Variants in FIGN observed in about 807,000 individuals in gnomAD.
The protein encoded by FIGN is fidgetin.
In FIGN, 11 loss-of-function variants were observed where a neutral mutation model predicts 51.3. That is an observed-to-expected ratio of 0.21 (90% CI 0.13 to 0.35). The LOEUF (loss-of-function observed/expected upper bound fraction) is 0.35, where lower values mean the gene tolerates loss of function less well. Ranked by LOEUF, FIGN falls within the 10% of genes least tolerant of loss-of-function variation. FIGN has a pLI of 1.00. For synonymous variants in FIGN, 407 were observed against 363.2 expected (o/e 1.12, Z -1.37); for missense variants, 857 against 943.6 (o/e 0.91, Z 1.20).
rs777432154 is a variant in FIGN, at chr2:163,609,857, G to A, written c.1975C>T (p.His659Tyr). Reference sequence around the variant, plus strand: ...GAGAGCAGTTGTACTATTATCTGGTGCCTCGCTGTGCTGTCAGGAAGTGGG... The same window carrying A: ...GAGAGCAGTTGTACTATTATCTGGTACCTCGCTGTGCTGTCAGGAAGTGGG... ...LIPLPDSTAR[H>Y]QIIVQLLSQH... The change falls in exon 3 of 3, where the codon CAC (histidine) becomes TAC (tyrosine). Residue 659 changes from histidine to tyrosine, a missense_variant. His to Tyr is a moderately conservative substitution (Grantham distance 83). Transcript: ENST00000333129. 1 of 1,614,148 alleles carries A rather than the reference G, an allele frequency of 6.2e-7. No homozygotes were observed. The highest frequency in any genetic ancestry group is 1.1e-5 in the South Asian group (1 of 91,074).
At chr2:163,665,974 G>T (rs1683766428) in intron 2 of FIGN, among the ~76,000 whole-genome samples, 1 of 152,194 alleles carries the variant, frequency 6.6e-6, no homozygotes, top group Non-Finnish European at 1.5e-5. Flanking sequence ...CATGGTGCAT[G>T]TCACATGACT....
chr2:163,689,440 T>A (rs574047085), intron 2 of FIGN, among the ~76,000 whole-genome samples: 1 of 152,330 alleles, frequency 6.6e-6, no homozygotes, highest in East Asian at 1.9e-4. Flanking sequence ...ACTGAAATGC[T>A]TGATTGACTA....
At chr2:163,668,017 C>A (rs529237222) in intron 2 of FIGN, among the ~76,000 whole-genome samples, 1 of 147,534 alleles carries the variant, frequency 6.8e-6, no homozygotes, top group South Asian at 2.2e-4. Flanking sequence ...ACCTCCAACC[C>A]CCCCCCCCAA....
At chr2:163,721,951 C>T (rs902633810) in intron 2 of FIGN, among the ~76,000 whole-genome samples, 13 of 152,112 alleles carry the variant, frequency 8.5e-5, no homozygotes, top group Non-Finnish European at 1.8e-4. Context: ...TTGTCAAATA[C>T]TGTTGCCTAA....
intron 2 of FIGN, among the ~76,000 whole-genome samples, chr2:163,637,155 A>G (rs1268040918): frequency 6.6e-6 from 1 of 152,216 alleles, no homozygotes; most frequent in South Asian, 2.1e-4. Context: ...GGGACTATTC[A>G]CTATTTGCAA....
At chr2:163,709,221 T>C (rs1684550148) in intron 2 of FIGN, among the ~76,000 whole-genome samples, 1 of 152,126 alleles carries the variant, frequency 6.6e-6, no homozygotes, top group South Asian at 2.1e-4. Context: ...CAGACACTCC[T>C]TGGGCAATCC....
chr2:163,703,982 C>A (rs1302190318), intron 2 of FIGN, among the ~76,000 whole-genome samples: 1 of 152,016 alleles, frequency 6.6e-6, no homozygotes, highest in African/African-American at 2.4e-5. Flanking sequence ...AGCCTATCCA[C>A]ATTACTATAT....
At chr2:163,656,411 T>C (rs566125244) in intron 2 of FIGN, among the ~76,000 whole-genome samples, 62 of 152,296 alleles carry the variant, frequency 4.1e-4, no homozygotes, top group Middle Eastern at 6.8e-3. Flanking sequence ...AGGTATCCTA[T>C]AAGAGCATAA....
chr2:163,651,804 T>C (rs1424973815), intron 2 of FIGN, among the ~76,000 whole-genome samples: 1 of 152,168 alleles, frequency 6.6e-6, no homozygotes, highest in Non-Finnish European at 1.5e-5. Flanking sequence ...GGCAAATGTA[T>C]TTATGTTGTA....
intron 2 of FIGN, among the ~76,000 whole-genome samples, chr2:163,696,024 T>C (rs554302043): frequency 3.4e-4 from 51 of 152,150 alleles, no homozygotes; most frequent in African/African-American, 1.2e-3. Context: ...GGCAAGAGAA[T>C]CTCTTGAACC....
chr2:163,683,488 C>G (rs1370703929), intron 2 of FIGN, among the ~76,000 whole-genome samples: 1 of 152,114 alleles, frequency 6.6e-6, no homozygotes, highest in African/African-American at 2.4e-5. Flanking sequence ...AAGGGTCAAA[C>G]CAATACAGCA....
intron 2 of FIGN, among the ~76,000 whole-genome samples, chr2:163,634,089 CGTGTGTGTGT>C (rs66956230): frequency 6.9e-6 from 1 of 145,402 alleles, no homozygotes; most frequent in Non-Finnish European, 1.5e-5. Context: ...CGTATGTATG[CGTGTGTGTGT>C]GTGTGTGTGT....
At chr2:163,614,943 A>T (rs1682846419) in intron 2 of FIGN, among the ~76,000 whole-genome samples, 1 of 152,158 alleles carries the variant, frequency 6.6e-6, no homozygotes, top group Admixed American at 6.5e-5. Flanking sequence ...TCACTGTAAA[A>T]GACAGTAGTA....
chr2:163,669,594 AGATAAGAT>A (rs1264421116), intron 2 of FIGN, among the ~76,000 whole-genome samples: 1 of 152,224 alleles, frequency 6.6e-6, no homozygotes, highest in Non-Finnish European at 1.5e-5. Flanking sequence ...TGTAGATTAA[AGATAAGAT>A]GAAATGGCAC....
chr2:163,611,191 A>C lies in FIGN; in HGVS notation c.641T>G (p.Leu214Trp), dbSNP rs1247947406. The change falls in exon 3 of 3, where the codon TTG becomes TGG. Residue 214 changes from leucine to tryptophan, a missense_variant. Leu to Trp is a moderately conservative substitution (Grantham distance 61). Coordinates refer to ENST00000333129, the MANE Select transcript of FIGN (RefSeq NM_018086.4). ...GGGCTGTAGTAGCCCAGAGCTATGC[A>C]AAGGAGACGGATGAGGTGAAGGAAG... ...PALPSPHPSP[L>W]HSSGLLQPPP... 1 of 1,614,142 alleles carries C rather than the reference A, an allele frequency of 6.2e-7. No homozygotes were observed. Among genetic ancestry groups the C allele is most frequent in the East Asian group, 2.2e-5 (1 of 44,852 alleles).
At chr2:163,639,091 A>C (rs1330656989) in intron 2 of FIGN, among the ~76,000 whole-genome samples, 1 of 152,144 alleles carries the variant, frequency 6.6e-6, no homozygotes, top group Non-Finnish European at 1.5e-5. Flanking sequence ...CGGCACAAAA[A>C]ATAATTTTAC....
At chr2:163,679,549 G>C (rs1684026324) in intron 2 of FIGN, among the ~76,000 whole-genome samples, 1 of 151,572 alleles carries the variant, frequency 6.6e-6, no homozygotes, top group African/African-American at 2.4e-5. Context: ...ACTTTTTAAA[G>C]TATACCAGCT....
chr2:163,722,415 C>T (rs10497243), intron 2 of FIGN, among the ~76,000 whole-genome samples: 13,139 of 152,116 alleles, frequency 0.086, 699 homozygotes, highest in Admixed American at 0.12. Context: ...TTATTTCCCA[C>T]GTTCAACCAA....
chr2:163,627,495 C>A (rs1438294590), intron 2 of FIGN, among the ~76,000 whole-genome samples: 1 of 152,082 alleles, frequency 6.6e-6, no homozygotes, highest in African/African-American at 2.4e-5. Context: ...TAATGGGGAG[C>A]ATGTTAATCA....
Sources: allele counts gnomAD v4.1 joint callset (sites outside exome capture counted in the v4.1 genomes callset), GRCh38; gene constraint gnomAD v4.1.1; transcripts MANE v1.5; gene names NCBI Gene and HGNC (gene_info 2026-07-23, HGNC 2026-07-21).